Variants in RPA3 observed in about 807,000 individuals in gnomAD.
RPA3 encodes replication protein A 14 kDa subunit.
A neutral mutation model predicts 13.7 loss-of-function variants in RPA3; 24 were observed. The ratio of observed to expected loss-of-function variants is 1.75; its 90% confidence interval spans 1.27 to 2.46. The LOEUF (loss-of-function observed/expected upper bound fraction) is 2.46, where lower values mean the gene tolerates loss of function less well. RPA3 is among the 30% of genes most tolerant of loss of function. The pLI is 0.00. For synonymous variants in RPA3, 59 were observed against 51.2 expected (o/e 1.15, Z -0.65); for missense variants, 183 against 151.0 (o/e 1.21, Z -1.11).
intron 4 of RPA3, among the ~76,000 whole-genome samples, chr7:7,677,501 G>A (rs892308924): frequency 5.3e-5 from 8 of 151,932 alleles, no homozygotes; most frequent in Non-Finnish European, 1.0e-4. Flanking sequence ...GTGAGAAAAT[G>A]TGAAATTTGT....
At chr7:7,694,307 C>A (rs889643175) in intron 2 of RPA3, among the ~76,000 whole-genome samples, 4 of 152,070 alleles carry the variant, frequency 2.6e-5, no homozygotes, top group African/African-American at 9.7e-5. Context: ...CAGGCATACA[C>A]ATATAATAAT....
chr7:7,659,265 T>A (rs1785417064), intron 4 of RPA3, among the ~76,000 whole-genome samples: 1 of 152,196 alleles, frequency 6.6e-6, no homozygotes, highest in South Asian at 2.1e-4. Context: ...GCTCCTGGAT[T>A]CATTGATTTT....
intron 4 of RPA3, among the ~76,000 whole-genome samples, chr7:7,658,039 G>T (rs971165911): frequency 1.3e-5 from 2 of 152,292 alleles, no homozygotes; most frequent in African/African-American, 4.8e-5. Context: ...TCCCTTGTAA[G>T]TTGGATTCCT....
chr7:7,689,705 C>T (rs986295876), intron 2 of RPA3, among the ~76,000 whole-genome samples: 1 of 152,036 alleles, frequency 6.6e-6, no homozygotes, highest in African/African-American at 2.4e-5. Context: ...TTATGTCTTT[C>T]TAAACTCAAA....
At chr7:7,666,152 CTT>C (rs1362847211) in intron 4 of RPA3, among the ~76,000 whole-genome samples, 2 of 151,974 alleles carry the variant, frequency 1.3e-5, no homozygotes, top group Non-Finnish European at 2.9e-5. Context: ...TGCTCCATAT[CTT>C]TGCCCTTTGC....
At chr7:7,680,414 C>T (rs1357511306) in intron 4 of RPA3, among the ~76,000 whole-genome samples, 12 of 151,910 alleles carry the variant, frequency 7.9e-5, no homozygotes, top group East Asian at 3.9e-4. Context: ...GTTTTTATGC[C>T]GGTACTGTGC....
In RPA3 at chr7:7,658,345, G is replaced by A. The variant is rs553356812; in HGVS notation, c.-757-17170C>T. Among the ~76,000 whole-genome samples the A allele has an allele frequency of 6.2e-4, 95 of 152,212 alleles. 1 individual carries two copies. In the South Asian group the frequency reaches 0.019, roughly 31 times the overall value. ...GGCCCTGGCCAGAACTTCTAATACT[G>A]TGTTGAATAGGAGTGGTGAGAGAGG... On this transcript the variant is annotated intron_variant, in intron 4 of 7. Transcript: ENST00000223129.
intron 4 of RPA3, among the ~76,000 whole-genome samples, chr7:7,649,158 C>CAAAAAAAAAAAAAAAAAAAAA (rs34943326): frequency 3.1e-5 from 4 of 128,866 alleles, no homozygotes; most frequent in Admixed American, 8.4e-5. Flanking sequence ...GACTCCATCT[C>CAAAAAAAAAAAAAAAAAAAAA]AAAAAAAAAA....
chr7:7,663,822 G>C (rs911175998), intron 4 of RPA3, among the ~76,000 whole-genome samples: 1 of 152,160 alleles, frequency 6.6e-6, no homozygotes, highest in Admixed American at 6.5e-5. Flanking sequence ...TTACATGCAT[G>C]ACTATCAGTT....
At chr7:7,676,462 C>A (rs117893829) in intron 4 of RPA3, among the ~76,000 whole-genome samples, 38 of 152,230 alleles carry the variant, frequency 2.5e-4, no homozygotes, top group Non-Finnish European at 5.0e-4. Context: ...TCCTCTAAAC[C>A]ACTGAACTAT....
At chr7:7,642,085 A>G (rs903491686) in intron 4 of RPA3, among the ~76,000 whole-genome samples, 1 of 152,224 alleles carries the variant, frequency 6.6e-6, no homozygotes, top group East Asian at 1.9e-4. Context: ...ATTGTTTTGC[A>G]AAGCAAGTTG....
chr7:7,685,364 C>T (rs1443205792), intron 4 of RPA3, among the ~76,000 whole-genome samples: 1 of 148,666 alleles, frequency 6.7e-6, no homozygotes, highest in Non-Finnish European at 1.5e-5. Flanking sequence ...GGCTGGAGTG[C>T]AGTGGTGCCA....
rs191968684 is a variant in RPA3 at position 7,702,378 on chromosome 7, A to G, written c.-1028+12797T>C. On this transcript the variant is annotated intron_variant, in intron 2 of 7. Transcript: ENST00000223129. ...GTGCAGTTTTAATATGACATATTTT[A>G]TTATCTCTTATTTTTTAAATTGATA... Among the ~76,000 whole-genome samples, 5 of 152,248 alleles carry G rather than the reference A, an allele frequency of 3.3e-5. No individual in the cohort carries two copies. In the East Asian group the frequency reaches 7.7e-4, roughly 24 times the overall value.
Position 7,640,398 on chromosome 7 carries a change from C to A in RPA3, c.21G>T (p.Leu7Phe), listed in dbSNP as rs201899811. ...TGCCGGCGTTGATGCGCGACCTGGGCAAGTCCATCATGTCCACCATGATTA... is the reference window on the plus strand; with the variant it reads ...TGCCGGCGTTGATGCGCGACCTGGGAAAGTCCATCATGTCCACCATGATTA... MVDMMD[L>F]PRSRINAGML... Residue 7 changes from leucine (L) to phenylalanine (F), a missense_variant, in exon 5 of 8, where the codon TTG becomes TTT. By Grantham distance (22) the Leu-to-Phe change is conservative. Transcript: ENST00000223129. 1.9e-5 allele frequency: 30 copies of A among 1,614,068 alleles called. No individual in the cohort carries two copies. Among genetic ancestry groups the A allele is most frequent in the East Asian group, 1.1e-4 (5 of 44,892 alleles).
chr7:7,681,720 A>C (rs1779917510), intron 4 of RPA3, among the ~76,000 whole-genome samples: 1 of 152,180 alleles, frequency 6.6e-6, no homozygotes, highest in Non-Finnish European at 1.5e-5. Context: ...TTAAAAATCC[A>C]GCAAGCATGG....
At chr7:7,706,656 T>C (rs1156830770) in intron 2 of RPA3, among the ~76,000 whole-genome samples, 1 of 152,122 alleles carries the variant, frequency 6.6e-6, no homozygotes. Context: ...ACATAAGAAC[T>C]CTAAGAACTT....
chr7:7,708,411 C>T (rs1328209352), intron 2 of RPA3, among the ~76,000 whole-genome samples: 1 of 152,140 alleles, frequency 6.6e-6, no homozygotes, highest in African/African-American at 2.4e-5. Context: ...CTGTATTAAA[C>T]AGTTACCCAA....
At chr7:7,666,980 A>T (rs1372907631) in intron 4 of RPA3, among the ~76,000 whole-genome samples, 1 of 151,942 alleles carries the variant, frequency 6.6e-6, no homozygotes, top group Non-Finnish European at 1.5e-5. Flanking sequence ...GCTAATTTTT[A>T]TATTATTAGT....
chr7:7,661,367 A>G (rs1563095212), intron 4 of RPA3, among the ~76,000 whole-genome samples: 1 of 151,972 alleles, frequency 6.6e-6, no homozygotes, highest in African/African-American at 2.4e-5. Context: ...AGGAGTTATG[A>G]TCCTTTGGAG....
Sources: allele counts gnomAD v4.1 joint callset (sites outside exome capture counted in the v4.1 genomes callset), GRCh38; gene constraint gnomAD v4.1.1; transcripts MANE v1.5; gene names NCBI Gene and HGNC (gene_info 2026-07-23, HGNC 2026-07-21).